PRKG1: variants seen among roughly 807,000 people sequenced by gnomAD.
PRKG1 encodes cGMP-dependent protein kinase 1.
In PRKG1, 35 loss-of-function variants were observed where a neutral mutation model predicts 88.1. The ratio of observed to expected loss-of-function variants is 0.40; its 90% CI spans 0.30 to 0.53. PRKG1 has a LOEUF of 0.53. Among genes scored for constraint, PRKG1 ranks in the 20% least tolerant of loss-of-function variants. PRKG1 has a pLI of 0.59. For missense variants in PRKG1, 540 were observed against 839.8 expected (o/e 0.64, Z 4.41); for synonymous variants, 303 against 292.5 (o/e 1.04, Z -0.37).
intron 5 of PRKG1, among the ~76,000 whole-genome samples, chr10:52,030,539 G>A (rs1306481183): frequency 6.6e-6 from 1 of 152,136 alleles, no homozygotes; most frequent in East Asian, 1.9e-4. Context: ...AACTGATCTG[G>A]GATATGGCAT....
At chr10:51,364,879 T>C (rs1023176473) in intron 2 of PRKG1, among the ~76,000 whole-genome samples, 10 of 152,056 alleles carry the variant, frequency 6.6e-5, no homozygotes, top group African/African-American at 2.4e-4. Context: ...GTCTGACTCA[T>C]GTGAACCAAA....
chr10:51,930,955 T>C (rs1473969053), intron 5 of PRKG1, among the ~76,000 whole-genome samples: 1 of 152,198 alleles, frequency 6.6e-6, no homozygotes, highest in Non-Finnish European at 1.5e-5. Context: ...TCTGTAAGAA[T>C]TGACAGTATA....
chr10:52,141,708 G>A (rs1434637607), intron 8 of PRKG1, among the ~76,000 whole-genome samples: 1 of 152,010 alleles, frequency 6.6e-6, no homozygotes, highest in East Asian at 1.9e-4. Flanking sequence ...ATATGCTGGT[G>A]GGCCATCAAT....
At chr10:51,823,929 A>G (rs1839819023) in intron 4 of PRKG1, among the ~76,000 whole-genome samples, 1 of 125,576 alleles carries the variant, frequency 8.0e-6, no homozygotes, top group South Asian at 2.5e-4. Context: ...GCTAGAGTGC[A>G]GTGGTGCAAT....
chr10:51,081,071 A>G (rs1478648032), intron 1 of PRKG1, among the ~76,000 whole-genome samples: 1 of 152,236 alleles, frequency 6.6e-6, no homozygotes, highest in Non-Finnish European at 1.5e-5. Context: ...TTTTATAAGC[A>G]TACTACTCTC....
At chr10:51,209,575 T>A (rs1349206088) in intron 2 of PRKG1, among the ~76,000 whole-genome samples, 1 of 152,200 alleles carries the variant, frequency 6.6e-6, no homozygotes, top group Non-Finnish European at 1.5e-5. Flanking sequence ...ATTAAAACTA[T>A]TTTTAGTACT....
At chr10:51,116,194 C>G (rs568471290) in intron 1 of PRKG1, among the ~76,000 whole-genome samples, 1 of 152,264 alleles carries the variant, frequency 6.6e-6, no homozygotes, top group Non-Finnish European at 1.5e-5. Context: ...TGGTAAAATG[C>G]TGCATCAATA....
chr10:51,390,348 A>T (rs150483745), intron 2 of PRKG1, among the ~76,000 whole-genome samples: 4 of 152,206 alleles, frequency 2.6e-5, no homozygotes, highest in African/African-American at 7.2e-5. Flanking sequence ...AAATACATTG[A>T]TATACACATT....
intron 9 of PRKG1, among the ~76,000 whole-genome samples, chr10:52,205,200 G>T (rs1461698993): frequency 6.6e-6 from 1 of 152,102 alleles, no homozygotes; most frequent in Non-Finnish European, 1.5e-5. Flanking sequence ...GTTCATTAGT[G>T]ATTCTAGTTT....
rs1322681925 is a variant in PRKG1 at position 51,669,493 on chromosome 10, A to T, written c.593-135092A>T. ...GAGGGGAAGGGAGTGGGCACAATTC[A>T]GCTCATAGCACATAATATGGACTGA... On this transcript the variant is annotated intron_variant, in intron 3 of 17. Coordinates refer to ENST00000373980, the MANE Select transcript of PRKG1 (RefSeq NM_006258.4). Among the ~76,000 whole-genome samples, 4 of 152,354 alleles carry T rather than the reference A, an allele frequency of 2.6e-5. No individual in the cohort carries two copies. In the East Asian group the frequency reaches 7.7e-4, roughly 29 times the overall value.
intron 5 of PRKG1, among the ~76,000 whole-genome samples, chr10:52,037,654 C>A (rs1435409166): frequency 2.6e-5 from 4 of 152,108 alleles, no homozygotes; most frequent in Non-Finnish European, 5.9e-5. Flanking sequence ...TTGGCTCCAG[C>A]CACCTTTTTA....
chr10:51,675,074 G>T (rs1840676671), intron 3 of PRKG1, among the ~76,000 whole-genome samples: 1 of 152,042 alleles, frequency 6.6e-6, no homozygotes, highest in South Asian at 2.1e-4. Flanking sequence ...AAGACTGAAT[G>T]GTTTTCAGTG....
chr10:51,616,471 C>T (rs925417385), intron 3 of PRKG1, among the ~76,000 whole-genome samples: 1 of 152,118 alleles, frequency 6.6e-6, no homozygotes, highest in African/African-American at 2.4e-5. Flanking sequence ...TTAGGAAAGC[C>T]AGTCTACAGT....
intron 9 of PRKG1, among the ~76,000 whole-genome samples, chr10:52,188,232 A>G (rs79153128): frequency 0.26 from 1,200 of 4,538 alleles, 28 homozygotes; most frequent in South Asian, 0.36. Flanking sequence ...ATACATATGT[A>G]TATATATACA....
chr10:51,624,941 T>A (rs1839297605), intron 3 of PRKG1, among the ~76,000 whole-genome samples: 1 of 152,206 alleles, frequency 6.6e-6, no homozygotes, highest in Admixed American at 6.5e-5. Context: ...GGTTAATGCA[T>A]ACAAAGTTAC....
At chr10:51,506,505 A>T (rs1173431156) in intron 3 of PRKG1, among the ~76,000 whole-genome samples, 4 of 152,246 alleles carry the variant, frequency 2.6e-5, no homozygotes, top group Admixed American at 6.5e-5. Flanking sequence ...ATGAACAGAT[A>T]CTTCTCAAAA....
At chr10:51,034,029 G>T (rs982068445) in intron 1 of PRKG1, among the ~76,000 whole-genome samples, 1 of 152,256 alleles carries the variant, frequency 6.6e-6, no homozygotes, top group South Asian at 2.1e-4. Context: ...TAGATGATTA[G>T]AATTCAAATG....
Position 52,181,669 on chromosome 10 carries a change from T to C in PRKG1, c.1076+19706T>C, listed in dbSNP as rs368196238. On this transcript the variant is annotated intron_variant, in intron 9 of 17. Transcript: ENST00000373980. ...TCATTGTTCAATTCCCACCTATGAG[T>C]GAGAATATGCGGTGTTTGGTTTTTT... 3.3e-5 allele frequency among the ~76,000 whole-genome samples: 3 copies of C among 89,840 alleles called. No homozygotes were observed. The East Asian group carries it at 9.8e-4, about 29-fold the overall frequency. 58.9% of individuals were successfully genotyped at this position (89,840 alleles called of 152,430 possible). A position where few individuals can be genotyped will look rare whatever the true frequency, so the allele number is the denominator to read the frequency against.
At chr10:51,392,743 GGCTGGC>G (rs1295669500) in intron 2 of PRKG1, among the ~76,000 whole-genome samples, 1 of 142,184 alleles carries the variant, frequency 7.0e-6, no homozygotes, top group Non-Finnish European at 1.6e-5. Flanking sequence ...CGGACGGGGC[GGCTGGC>G]CGGGCGGGGG....
Sources: gnomAD v4.1 joint callset for allele counts (sites outside exome capture counted in the v4.1 genomes callset) on GRCh38, gnomAD v4.1.1 for gene constraint, MANE v1.5 for transcripts, NCBI Gene and HGNC (gene_info 2026-07-23, HGNC 2026-07-21) for gene names.